Variants in GIGYF2 observed in about 807,000 individuals in gnomAD.
GIGYF2 encodes the protein GRB10 interacting GYF protein 2, also known as GRB10-interacting GYF protein 2.
GIGYF2 carries 25 observed loss-of-function variants against 208.1 expected under a neutral mutation model. That is an observed-to-expected ratio of 0.12 (90% CI 0.09 to 0.17). GIGYF2 has a LOEUF of 0.17. Ranked by LOEUF, GIGYF2 falls within the 10% of genes least tolerant of loss-of-function variation. The pLI, the probability that GIGYF2 is intolerant of heterozygous loss-of-function variation, is 1.00. For missense variants in GIGYF2, 1,302 were observed against 1,579.4 expected, an observed-to-expected ratio of 0.82 and a Z score of 2.98; for synonymous variants, 534 against 543.8, an observed-to-expected ratio of 0.98 and a Z score of 0.25.
At chr2:232,804,947 G>T (rs1470717233) in intron 14 of GIGYF2, among the ~76,000 whole-genome samples, 1 of 151,264 alleles carries the variant, frequency 6.6e-6, no homozygotes, top group African/African-American at 2.4e-5. Context: ...GATTCTTGGT[G>T]GTCAAAGAAA....
chr2:232,708,841 G>T (rs1696254093), intron 2 of GIGYF2, among the ~76,000 whole-genome samples: 1 of 150,852 alleles, frequency 6.6e-6, no homozygotes, highest in African/African-American at 2.4e-5. Flanking sequence ...TTTTTTTCTG[G>T]CCAGGTGTGG....
intron 21 of GIGYF2, among the ~76,000 whole-genome samples, chr2:232,829,685 C>G (rs1264871731): frequency 6.6e-6 from 1 of 152,194 alleles, no homozygotes; most frequent in African/African-American, 2.4e-5. Context: ...TTCTGGTTCC[C>G]TTCCTTCTGA....
chr2:232,706,595 C>A (rs567180926), intron 2 of GIGYF2, among the ~76,000 whole-genome samples: 1 of 151,974 alleles, frequency 6.6e-6, no homozygotes, highest in African/African-American at 2.4e-5. Context: ...CTGACCAACA[C>A]GGCGAAACCC....
chr2:232,847,951 A>G (rs1702077105), intron 27 of GIGYF2, among the ~76,000 whole-genome samples: 3 of 152,184 alleles, frequency 2.0e-5, no homozygotes, highest in Admixed American at 2.0e-4. Flanking sequence ...GCAGCATGCC[A>G]GATATTTCAT....
chr2:232,705,391 T>C (rs994359666), intron 2 of GIGYF2: 1 of 152,068 alleles, frequency 6.6e-6, no homozygotes, highest in Non-Finnish European at 1.5e-5. Context: ...CATTTTGAAG[T>C]CCTGTGTATT....
chr2:232,851,047 T>C (rs1336721431), intron 28 of GIGYF2, among the ~76,000 whole-genome samples: 13 of 152,142 alleles, frequency 8.5e-5, no homozygotes, highest in Non-Finnish European at 2.9e-5. Flanking sequence ...TTATGGACCA[T>C]GCAAGGCAGG....
intron 26 of GIGYF2, among the ~76,000 whole-genome samples, 175 bp downstream of exon 26, chr2:232,846,061 T>C (rs922902395): frequency 2.6e-5 from 4 of 152,216 alleles, no homozygotes; most frequent in African/African-American, 9.7e-5. Flanking sequence ...AAAAGTCCAG[T>C]AATACTAAAC....
At chr2:232,710,942 C>A (rs1010828917) in intron 2 of GIGYF2, among the ~76,000 whole-genome samples, 1 of 151,792 alleles carries the variant, frequency 6.6e-6, no homozygotes, top group Admixed American at 6.6e-5. Context: ...CTCAGGTGAT[C>A]CACCCACCTC....
chr2:232,794,662 A>G, intron 12 of GIGYF2, 86 bp from the exon 13 acceptor site: 4 of 1,022,858 alleles, frequency 3.9e-6, no homozygotes, highest in Non-Finnish European at 6.2e-6. Context: ...TGGCCCATTT[A>G]GCAGGCTGTG....
At chr2:232,723,409 C>T (rs973110965) in intron 2 of GIGYF2, among the ~76,000 whole-genome samples, 3 of 151,440 alleles carry the variant, frequency 2.0e-5, no homozygotes, top group Non-Finnish European at 4.4e-5. Context: ...TTCTCTCTTC[C>T]ACAGCTAAGA....
chr2:232,807,710 G>A (rs1439293900), intron 15 of GIGYF2, among the ~76,000 whole-genome samples: 4 of 152,068 alleles, frequency 2.6e-5, no homozygotes, highest in Admixed American at 1.3e-4. Context: ...GTCTGGTGAC[G>A]GGCTGTAGTT....
intron 16 of GIGYF2, among the ~76,000 whole-genome samples, chr2:232,810,098 G>A (rs766104086): frequency 3.9e-5 from 6 of 152,048 alleles, no homozygotes; most frequent in African/African-American, 7.2e-5. Flanking sequence ...ATTGATTCTC[G>A]TGCTTCAGCC....
At position 232,858,358 on chromosome 2, in the gene GIGYF2, AT is replaced by A; in HGVS notation, c.*1499del. 4.9e-6 allele frequency: 2 copies of A among 410,156 alleles called. No individual in the cohort carries two copies. Among genetic ancestry groups the A allele is most frequent in the East Asian group, 1.4e-4 (2 of 13,986 alleles). The allele number at this position is 410,156 out of a possible 1,614,324, so 25.4% of individuals were successfully genotyped here. A position where few individuals can be genotyped will look rare whatever the true frequency, so the allele number is the denominator to read the frequency against. ...ATTATTTTGGATCACCATTCTCCCTATCCCTTCTTGCCTCCCTCCCTTCTAA... is the reference window on the plus strand; with the variant it reads ...ATTATTTTGGATCACCATTCTCCCTACCCTTCTTGCCTCCCTCCCTTCTAA... On this transcript the variant is annotated 3_prime_UTR_variant, in exon 29 of 29. Coordinates refer to ENST00000373563, the MANE Select transcript of GIGYF2 (RefSeq NM_001103146.3).
intron 2 of GIGYF2, among the ~76,000 whole-genome samples, chr2:232,710,311 ACTC>A (rs1696331540): frequency 6.6e-6 from 1 of 151,498 alleles, no homozygotes; most frequent in Admixed American, 6.6e-5. Context: ...CTGGTTTAGA[ACTC>A]CTAGCCTCAA....
chr2:232,760,338 A>G (rs931380776), intron 6 of GIGYF2, 142 bp from the exon 7 acceptor site: 6 of 670,026 alleles, frequency 9.0e-6, no homozygotes, highest in Middle Eastern at 7.4e-4. Flanking sequence ...TCATAAGTCA[A>G]GATCATCAGG....
intron 27 of GIGYF2, 28 bp downstream of exon 27, chr2:232,847,599 C>A: frequency 6.2e-7 from 1 of 1,610,538 alleles, no homozygotes; most frequent in Non-Finnish European, 8.5e-7. Context: ...GTATGCGGTA[C>A]CTCTGAGGAT....
chr2:232,723,098 A>G (rs887325958), intron 2 of GIGYF2, among the ~76,000 whole-genome samples: 1 of 152,162 alleles, frequency 6.6e-6, no homozygotes, highest in African/African-American at 2.4e-5. Context: ...GATTCCTGGC[A>G]TGGACATTAG....
chr2:232,784,386 C>CTTTTTTTTTTTTTTTTTTTTTTTTT (rs10645449), intron 8 of GIGYF2, among the ~76,000 whole-genome samples: 1 of 92,312 alleles, frequency 1.1e-5, no homozygotes. Context: ...GAAATAATTT[C>CTTTTTTTTTTTTTTTTTTTTTTTTT]TTTTTTTTTT....
At chr2:232,741,690 C>G (rs1459612643) in intron 3 of GIGYF2, among the ~76,000 whole-genome samples, 1 of 152,070 alleles carries the variant, frequency 6.6e-6, no homozygotes, top group Non-Finnish European at 1.5e-5. Flanking sequence ...GTGATCTGCC[C>G]TCCTTGGCCT....
Sources: gnomAD v4.1 joint callset for allele counts (sites outside exome capture counted in the v4.1 genomes callset) on GRCh38, gnomAD v4.1.1 for gene constraint, MANE v1.5 for transcripts, NCBI Gene and HGNC (gene_info 2026-07-23, HGNC 2026-07-21) for gene names.